MSH3: variants seen among roughly 807,000 people sequenced by gnomAD.
MSH3 encodes the protein mutS homolog 3.
MSH3 carries 106 observed loss-of-function variants against 123.3 expected under a neutral mutation model. That is an observed-to-expected ratio of 0.86 (90% CI 0.73 to 1.01). MSH3 has a LOEUF of 1.01. Ranked by LOEUF, MSH3 falls within the 50% of genes least tolerant of loss-of-function variation. MSH3 has a pLI of 0.00. For missense variants in MSH3, 1,459 were observed against 1,347.6 expected, an observed-to-expected ratio of 1.08 and a Z score of -1.29; for synonymous variants, 515 against 481.4, an observed-to-expected ratio of 1.07 and a Z score of -0.91.
At chr5:80,692,563 TGTATATGTTTATATAGAGAGATAAAC>T (rs1750316709) in intron 8 of MSH3, among the ~76,000 whole-genome samples, 1 of 144,398 alleles carries the variant, frequency 6.9e-6, no homozygotes, top group Admixed American at 6.9e-5. Flanking sequence ...GAGATAAACA[TGTATATGTTTATATAGAGAGATAAAC>T]ATGTATATGT....
intron 19 of MSH3, among the ~76,000 whole-genome samples, chr5:80,811,934 G>A (rs1164160521): frequency 2.6e-5 from 4 of 151,680 alleles, no homozygotes; most frequent in Admixed American, 6.6e-5. Flanking sequence ...TTTATGACAC[G>A]CTTATTTTTT....
chr5:80,733,351 T>C (rs1743445956), intron 10 of MSH3, among the ~76,000 whole-genome samples: 1 of 152,196 alleles, frequency 6.6e-6, no homozygotes, highest in African/African-American at 2.4e-5. Context: ...AGACCTGATA[T>C]GAGTTAACAC....
intron 20 of MSH3, among the ~76,000 whole-genome samples, chr5:80,828,045 T>C (rs796302720): frequency 1.3e-5 from 2 of 152,280 alleles, no homozygotes; most frequent in African/African-American, 4.8e-5. Flanking sequence ...TTACAATTGA[T>C]GAACCTACAT....
intron 21 of MSH3, among the ~76,000 whole-genome samples, chr5:80,859,683 T>G (rs1164476301): frequency 6.6e-6 from 1 of 151,700 alleles, no homozygotes; most frequent in East Asian, 1.9e-4. Flanking sequence ...TGGTTTTAAC[T>G]GAGTATTTTA....
chr5:80,791,737 T>C (rs1744609583), intron 18 of MSH3, among the ~76,000 whole-genome samples: 1 of 152,190 alleles, frequency 6.6e-6, no homozygotes, highest in South Asian at 2.1e-4. Context: ...AAAATAAACT[T>C]TGAATTTTTT....
intron 10 of MSH3, among the ~76,000 whole-genome samples, chr5:80,729,439 TG>T (rs1561458088): frequency 5.3e-5 from 7 of 133,198 alleles, no homozygotes; most frequent in Non-Finnish European, 6.3e-5. Flanking sequence ...AATGTGTGTG[TG>T]TGTGTGTGTG....
chr5:80,687,378 A>G (rs972476787), intron 8 of MSH3, among the ~76,000 whole-genome samples: 2 of 152,240 alleles, frequency 1.3e-5, no homozygotes, highest in African/African-American at 4.8e-5. Flanking sequence ...TTAGAAAGCG[A>G]TAAACAAATA....
intron 8 of MSH3, among the ~76,000 whole-genome samples, chr5:80,691,867 G>GTATGTTTATATAGATAAACGTGTA (rs1561444313): frequency 0.063 from 8,844 of 140,114 alleles, 1,851 homozygotes; most frequent in Non-Finnish European, 0.085. Flanking sequence ...AGCTAAACAT[G>GTATGTTTATATAGATAAACGTGTA]TATGTTTATA....
intron 8 of MSH3, among the ~76,000 whole-genome samples, chr5:80,709,342 G>C (rs187761019): frequency 3.9e-5 from 6 of 152,226 alleles, no homozygotes; most frequent in African/African-American, 1.4e-4. Context: ...TTTTAGGGCC[G>C]GGTGCGGTGG....
At chr5:80,848,208 C>T (rs535564620) in intron 20 of MSH3, among the ~76,000 whole-genome samples, 21 of 152,250 alleles carry the variant, frequency 1.4e-4, no homozygotes, top group East Asian at 1.2e-3. Context: ...GCAGCCTGGG[C>T]GACAGAGTTA....
intron 4 of MSH3, 134 bp from the exon 5 acceptor site, chr5:80,672,110 G>T: frequency 1.4e-6 from 1 of 706,566 alleles, no homozygotes; most frequent in South Asian, 1.9e-5. Flanking sequence ...ACTTTTTATT[G>T]ACATAGTACA....
intron 12 of MSH3, among the ~76,000 whole-genome samples, chr5:80,748,706 ACACACACACACAC>A (rs1015710930): frequency 8.5e-6 from 1 of 116,972 alleles, no homozygotes; most frequent in Non-Finnish European, 1.7e-5. Context: ...ACACACACAC[ACACACACACACAC>A]ACACACACAC....
chr5:80,763,191 C>G (rs1384914262), intron 13 of MSH3, among the ~76,000 whole-genome samples: 1 of 152,152 alleles, frequency 6.6e-6, no homozygotes, highest in Non-Finnish European at 1.5e-5. Flanking sequence ...ATTAGTGTTT[C>G]TATATTTTTC....
intron 8 of MSH3, among the ~76,000 whole-genome samples, chr5:80,704,185 G>T (rs757030460): frequency 6.6e-6 from 1 of 152,172 alleles, no homozygotes; most frequent in Non-Finnish European, 1.5e-5. Flanking sequence ...GTCACTGAGG[G>T]TGACCTGCGT....
intron 12 of MSH3, among the ~76,000 whole-genome samples, chr5:80,752,514 G>A (rs1275387573): frequency 6.6e-6 from 1 of 152,124 alleles, no homozygotes; most frequent in Non-Finnish European, 1.5e-5. Flanking sequence ...TAGTTTTGGA[G>A]TTAATGATAC....
At chr5:80,858,241 G>T (rs746181738) in intron 21 of MSH3, among the ~76,000 whole-genome samples, 52 of 152,076 alleles carry the variant, frequency 3.4e-4, no homozygotes, top group Non-Finnish European at 5.7e-4. Context: ...AGAGATTGGG[G>T]TCTCACTATG....
chr5:80,736,791 C>A (rs374870925), intron 10 of MSH3, among the ~76,000 whole-genome samples: 2 of 152,288 alleles, frequency 1.3e-5, no homozygotes, highest in African/African-American at 2.4e-5. Context: ...TGTTACAATT[C>A]ATTGCTGGGG....
At chr5:80,802,696 C>G (rs1181143116) in intron 19 of MSH3, among the ~76,000 whole-genome samples, 1 of 152,022 alleles carries the variant, frequency 6.6e-6, no homozygotes, top group African/African-American at 2.4e-5. Context: ...TGTTTGTACC[C>G]AAGGACCATT....
At chr5:80,670,790 T>C (rs1332308778) in intron 4 of MSH3, among the ~76,000 whole-genome samples, 1 of 152,092 alleles carries the variant, frequency 6.6e-6, no homozygotes, top group South Asian at 2.1e-4. Context: ...GTTTTACAGA[T>C]CTCTTTGGGT....
Sources: gnomAD v4.1 joint callset for allele counts (sites outside exome capture counted in the v4.1 genomes callset) on GRCh38, gnomAD v4.1.1 for gene constraint, MANE v1.5 for transcripts, NCBI Gene and HGNC (gene_info 2026-07-23, HGNC 2026-07-21) for gene names.